Variants in PCDH15 observed in about 807,000 individuals in gnomAD.
The protein encoded by PCDH15 is protocadherin related 15.
In PCDH15, 129 loss-of-function variants were observed where a neutral mutation model predicts 178.5. The ratio of observed to expected loss-of-function variants is 0.72; its 90% CI spans 0.63 to 0.84. The LOEUF (loss-of-function observed/expected upper bound fraction) is 0.84. PCDH15 is among the 40% of genes least tolerant of loss of function. The pLI is 0.00. For synonymous variants in PCDH15, 800 were observed against 732.0 expected (o/e 1.09, Z -1.50); for missense variants, 2,230 against 2,099.9 (o/e 1.06, Z -1.21).
chr10:54,974,084 GACAC>G (rs1191320583), intron 2 of PCDH15, among the ~76,000 whole-genome samples: 1 of 129,222 alleles, frequency 7.7e-6, no homozygotes, highest in Non-Finnish European at 1.7e-5. Flanking sequence ...CACACACACA[GACAC>G]ACACACACAT....
chr10:54,478,637 GT>G (rs1255336992), intron 3 of PCDH15, among the ~76,000 whole-genome samples: 2 of 152,048 alleles, frequency 1.3e-5, no homozygotes, highest in Non-Finnish European at 2.9e-5. Context: ...TATAAGTGGT[GT>G]TTTGCTTTGC....
chr10:54,163,761 T>C (rs2045942611), intron 13 of PCDH15, among the ~76,000 whole-genome samples: 1 of 152,132 alleles, frequency 6.6e-6, no homozygotes, highest in African/African-American at 2.4e-5. Flanking sequence ...TCTTTTTCAA[T>C]AACTTGGCAT....
chr10:54,690,499 G>C (rs552970428), intron 1 of PCDH15, among the ~76,000 whole-genome samples: 1 of 151,868 alleles, frequency 6.6e-6, no homozygotes, highest in African/African-American at 2.4e-5. Context: ...ATTTTTAGTA[G>C]AGATGGGGTT....
intron 1 of PCDH15, among the ~76,000 whole-genome samples, chr10:55,273,625 T>A (rs977077388): frequency 2.0e-5 from 3 of 152,086 alleles, no homozygotes; most frequent in Non-Finnish European, 4.4e-5. Flanking sequence ...ATTTTAAAGC[T>A]GCTAAGTTAT....
chr10:54,081,782 A>ACAGGATTGAAAATCCAGT (rs1362677305), intron 16 of PCDH15, among the ~76,000 whole-genome samples: 197 of 152,272 alleles, frequency 1.3e-3, no homozygotes, highest in African/African-American at 4.4e-3. Flanking sequence ...AAGCATCAAT[A>ACAGGATTGAAAATCCAGT]ACACTGCTAC....
intron 7 of PCDH15, among the ~76,000 whole-genome samples, chr10:54,324,259 A>G (rs927268428): frequency 6.6e-6 from 1 of 152,150 alleles, no homozygotes; most frequent in African/African-American, 2.4e-5. Flanking sequence ...TATGTTTGCA[A>G]TGCTTACACA....
At chr10:54,876,275 A>G (rs1220582178) in intron 3 of PCDH15, among the ~76,000 whole-genome samples, 1 of 152,128 alleles carries the variant, frequency 6.6e-6, no homozygotes, top group Admixed American at 6.6e-5. Flanking sequence ...CTGCTTACTC[A>G]CAATGTTCCT....
chr10:55,614,844 G>A (rs149829334), intron 2 of PCDH15, among the ~76,000 whole-genome samples: 5,311 of 152,084 alleles, frequency 0.035, 148 homozygotes, highest in Middle Eastern at 0.075. Flanking sequence ...GCCAACCAAG[G>A]TTTACTTCGT....
At chr10:54,644,837 G>C (rs2094087972) in intron 2 of PCDH15, among the ~76,000 whole-genome samples, 1 of 152,132 alleles carries the variant, frequency 6.6e-6, no homozygotes, top group Non-Finnish European at 1.5e-5. Flanking sequence ...TGTGCACTCT[G>C]TACCTTATAG....
intron 16 of PCDH15, among the ~76,000 whole-genome samples, chr10:54,083,441 A>G (rs551327743): frequency 2.2e-3 from 336 of 152,328 alleles, no homozygotes; most frequent in Non-Finnish European, 2.6e-3. Flanking sequence ...AATATTACGT[A>G]GCCATGAAAA....
chr10:54,494,691 T>C lies in PCDH15; in HGVS notation c.157+33121A>G, dbSNP rs548345924. On this transcript the variant is annotated intron_variant, in intron 3 of 37. Transcript: ENST00000644397. ...CTAACCCTTGTGAGGCTGGCAGATA[T>C]TATGGTCATAGTTTTTTTCTCTATT... Among the ~76,000 whole-genome samples the C allele has an allele frequency of 9.8e-5, 15 of 152,298 alleles. No homozygotes were observed. The South Asian group carries it at 1.9e-3, about 19-fold the overall frequency.
intron 20 of PCDH15, among the ~76,000 whole-genome samples, chr10:54,014,439 A>G (rs529445132): frequency 6.6e-6 from 1 of 152,164 alleles, no homozygotes; most frequent in Admixed American, 6.6e-5. Context: ...TGATACCAAA[A>G]CCTGGCAGAG....
At chr10:54,453,010 A>G (rs2136315425) in intron 3 of PCDH15, among the ~76,000 whole-genome samples, 1 of 152,078 alleles carries the variant, frequency 6.6e-6, no homozygotes, top group Admixed American at 6.6e-5. Flanking sequence ...TAGGCCCTAA[A>G]TCCAATCACT....
chr10:55,082,220 C>T, intron 2 of PCDH15, among the ~76,000 whole-genome samples: 1 of 152,006 alleles, frequency 6.6e-6, no homozygotes, highest in Non-Finnish European at 1.5e-5. Context: ...TATCAAGTAT[C>T]TTCTCTGACA....
chr10:54,073,366 G>A (rs906682554), intron 17 of PCDH15, among the ~76,000 whole-genome samples: 8 of 151,890 alleles, frequency 5.3e-5, no homozygotes, highest in South Asian at 2.1e-4. Context: ...ATAACCATAC[G>A]TATTGTGTTC....
At position 54,571,318 on chromosome 10, in the gene PCDH15, C is replaced by T. The variant is rs1323456074; in HGVS notation, c.92-43441G>A. ...TGCTCTGAGGTGCTGAAGTACGAGA[C>T]AATAGACAAAATTTGAAAAAAAAAA... On this transcript the variant is annotated intron_variant, in intron 2 of 37. Coordinates refer to ENST00000644397, the MANE Select transcript of PCDH15 (RefSeq NM_001384140.1). Among the ~76,000 whole-genome samples the T allele has an allele frequency of 4.3e-5, 4 of 93,828 alleles. No homozygotes were observed. The East Asian group carries it at 1.3e-3, about 30-fold the overall frequency. 61.6% of individuals were successfully genotyped at this position (93,828 alleles called of 152,430 possible). A position where few individuals can be genotyped will look rare whatever the true frequency, so the allele number is the denominator to read the frequency against.
chr10:54,207,182 C>T (rs10763084), intron 10 of PCDH15, among the ~76,000 whole-genome samples: 136,517 of 151,876 alleles, frequency 0.9, 61,519 homozygotes, highest in East Asian at 0.98. Context: ...TCTGTTCTAA[C>T]ACTGCTGCAT....
At chr10:54,886,044 T>C (rs1954352913) in intron 3 of PCDH15, among the ~76,000 whole-genome samples, 1 of 152,016 alleles carries the variant, frequency 6.6e-6, no homozygotes, top group South Asian at 2.1e-4. Flanking sequence ...TCCCCTGCCC[T>C]CAATTTAATT....
intron 7 of PCDH15, among the ~76,000 whole-genome samples, chr10:54,327,630 C>T (rs367905716): frequency 6.6e-6 from 1 of 151,900 alleles, no homozygotes. Flanking sequence ...GGTGATATAT[C>T]TCTAAGAAAG....
Sources: allele counts gnomAD v4.1 joint callset (sites outside exome capture counted in the v4.1 genomes callset), GRCh38; gene constraint gnomAD v4.1.1; transcripts MANE v1.5; gene names NCBI Gene and HGNC (gene_info 2026-07-23, HGNC 2026-07-21).